GABRA3: variants seen among roughly 807,000 people sequenced by gnomAD.
GABRA3 encodes the protein gamma-aminobutyric acid receptor subunit alpha-3.
In GABRA3, 10 loss-of-function variants were observed where a neutral mutation model predicts 30.1. The ratio of observed to expected loss-of-function variants is 0.33; its 90% CI spans 0.20 to 0.56. The LOEUF is 0.56. GABRA3 is among the 20% of genes least tolerant of loss of function. The probability of loss-of-function intolerance (pLI) is 0.89; values close to 1 mark genes in which losing one functional copy is unlikely to be tolerated. For synonymous variants in GABRA3, 151 were observed against 146.8 expected (o/e 1.03, Z -0.21); for missense variants, 233 against 392.0 (o/e 0.59, Z 3.42).
chrX:152,216,357 T>G (rs1407662704), intron 6 of GABRA3, among the ~76,000 whole-genome samples: 1 of 101,197 alleles, frequency 9.9e-6, no homozygotes, highest in Non-Finnish European at 2.0e-5. Flanking sequence ...CATCAATGAA[T>G]GAATGAATAA....
intron 6 of GABRA3, among the ~76,000 whole-genome samples, chrX:152,217,955 T>C (rs972576555): frequency 9.1e-6 from 1 of 109,495 alleles, no homozygotes; most frequent in Non-Finnish European, 1.9e-5. Context: ...TAAAATTCTT[T>C]ATTTTATTTA....
intron 1 of GABRA3, among the ~76,000 whole-genome samples, chrX:152,388,604 C>T (rs1345969776): frequency 1.8e-5 from 2 of 112,083 alleles, no homozygotes. Flanking sequence ...AAGTAGATAT[C>T]CATAGTGAAG....
intron 6 of GABRA3, among the ~76,000 whole-genome samples, chrX:152,215,056 T>A (rs866768513): frequency 6.7e-4 from 69 of 102,405 alleles, no homozygotes; most frequent in Middle Eastern, 4.5e-3. Flanking sequence ...ATATATATAT[T>A]TTTTTATATG....
intron 5 of GABRA3, among the ~76,000 whole-genome samples, chrX:152,234,099 TGAG>T (rs1468687388): frequency 9.9e-6 from 1 of 100,782 alleles, no homozygotes; most frequent in Non-Finnish European, 2.0e-5. Flanking sequence ...TAATGCTAGA[TGAG>T]GAGTTAGTGG....
chrX:152,235,508 G>T (rs1317796245), intron 5 of GABRA3, among the ~76,000 whole-genome samples: 2 of 111,228 alleles, frequency 1.8e-5, no homozygotes, highest in Admixed American at 9.6e-5. Flanking sequence ...ACAAACAATT[G>T]TCAGAACTAA....
Position 152,197,656 on chromosome X carries a change from G to T in GABRA3, c.908C>A (p.Ser303Tyr). The T allele has an allele frequency of 8.3e-7, 1 of 1,209,775 alleles. No homozygotes were observed. Among genetic ancestry groups the T allele is most frequent in the Non-Finnish European group, 1.1e-6 (1 of 894,240 alleles). The change falls in exon 8 of 10, where the codon TCT becomes TAT. Residue 303 changes from serine (S) to tyrosine (Y), a missense_variant. Transcript: ENST00000370314. ...SQVSFWLNRE[S>Y]VPARTVFGVT... Reference sequence around the variant, plus strand: ...ACCAAAGACTGTACGGGCAGGAACAGACTCTCTGTTGAGCCAGAACGACAC... The same window carrying T: ...ACCAAAGACTGTACGGGCAGGAACATACTCTCTGTTGAGCCAGAACGACAC...
At chrX:152,224,629 G>A in intron 6 of GABRA3, 134 bp downstream of exon 6, 1 of 415,925 alleles carries the variant, frequency 2.4e-6, no homozygotes, top group Non-Finnish European at 4.2e-6. Flanking sequence ...CCCACTCTCT[G>A]ACCCACCCTG....
chrX:152,360,559 A>T (rs12013773), intron 2 of GABRA3, among the ~76,000 whole-genome samples: 1 of 24,356 alleles, frequency 4.1e-5, no homozygotes, highest in Non-Finnish European at 7.0e-5. Flanking sequence ...GGGTCGGGGG[A>T]GGGGGGAGGG....
chrX:152,190,925 C>G (rs1407236275), intron 8 of GABRA3, among the ~76,000 whole-genome samples: 2 of 108,048 alleles, frequency 1.9e-5, no homozygotes, highest in East Asian at 5.8e-4. Context: ...GCTTTAGAGT[C>G]AGAATGAACT....
intron 5 of GABRA3, among the ~76,000 whole-genome samples, chrX:152,254,996 C>A (rs1431605526): frequency 9.0e-6 from 1 of 111,604 alleles, no homozygotes; most frequent in African/African-American, 3.3e-5. Flanking sequence ...TTTTTGACAG[C>A]AAAATTCAAT....
At chrX:152,428,709 A>G (rs993744578) in intron 1 of GABRA3, among the ~76,000 whole-genome samples, 11 of 111,708 alleles carry the variant, frequency 9.8e-5, no homozygotes, top group Non-Finnish European at 2.1e-4. Flanking sequence ...TAAAGATGAC[A>G]GTGAGTTCTA....
chrX:152,438,403 T>C (rs150937931), intron 1 of GABRA3, among the ~76,000 whole-genome samples: 10 of 112,382 alleles, frequency 8.9e-5, no homozygotes, highest in African/African-American at 3.2e-4. Context: ...GTCAGGCAGT[T>C]TCTTACAAAG....
intron 4 of GABRA3, among the ~76,000 whole-genome samples, chrX:152,277,077 A>C (rs1364621378): frequency 8.9e-6 from 1 of 111,743 alleles, no homozygotes; most frequent in African/African-American, 3.2e-5. Context: ...TTTTCTCTAC[A>C]CAGAGAAATT....
At chrX:152,445,829 A>T in intron 1 of GABRA3, among the ~76,000 whole-genome samples, 1 of 111,947 alleles carries the variant, frequency 8.9e-6, no homozygotes, top group East Asian at 2.8e-4. Context: ...TGTCACAACA[A>T]ACCGAGTATC....
chrX:152,274,578 A>G (rs1939007957), intron 4 of GABRA3, among the ~76,000 whole-genome samples: 1 of 111,893 alleles, frequency 8.9e-6, no homozygotes, highest in African/African-American at 3.2e-5. Context: ...AAGAAACCTT[A>G]AAGATTATTT....
chrX:152,450,688 G>A (rs1340498104), intron 1 of GABRA3, among the ~76,000 whole-genome samples: 3 of 111,095 alleles, frequency 2.7e-5, no homozygotes, highest in African/African-American at 6.5e-5. Context: ...AAGCAGCTGC[G>A]GAGAAAGAGT....
chrX:152,302,316 G>T (rs1939645871), intron 3 of GABRA3, among the ~76,000 whole-genome samples: 1 of 110,704 alleles, frequency 9.0e-6, no homozygotes, highest in African/African-American at 3.3e-5. Context: ...AAATATAAGG[G>T]TATAAATATG....
At chrX:152,227,216 G>A (rs938633513) in intron 5 of GABRA3, among the ~76,000 whole-genome samples, 1 of 108,420 alleles carries the variant, frequency 9.2e-6, no homozygotes, top group African/African-American at 3.4e-5. Context: ...AAAATGATGA[G>A]TTCATTTCCT....
intron 1 of GABRA3, among the ~76,000 whole-genome samples, chrX:152,398,475 A>G (rs1929716452): frequency 9.0e-6 from 1 of 111,127 alleles, no homozygotes; most frequent in Non-Finnish European, 1.9e-5. Context: ...GTGTTGACCC[A>G]TATGTCATTG....
Sources: gnomAD v4.1 joint callset for allele counts (sites outside exome capture counted in the v4.1 genomes callset) on GRCh38, gnomAD v4.1.1 for gene constraint, MANE v1.5 for transcripts, NCBI Gene and HGNC (gene_info 2026-07-23, HGNC 2026-07-21) for gene names.